The following GNA14 variants were observed in gnomAD, a reference collection of about 807,000 sequenced individuals.
The protein encoded by GNA14 is guanine nucleotide-binding protein subunit alpha-14.
Under a neutral mutation model 42.0 loss-of-function variants are expected in GNA14, and 50 were observed. The observed-to-expected ratio is 1.19, with a 90% CI of 0.95 to 1.51. The LOEUF is 1.51. GNA14 is among the 40% of genes most tolerant of loss of function. GNA14 has a pLI of 0.00. For synonymous variants in GNA14, 173 were observed against 163.1 expected (o/e 1.06, Z -0.46); for missense variants, 473 against 446.2 (o/e 1.06, Z -0.54).
intron 2 of GNA14, among the ~76,000 whole-genome samples, chr9:77,511,998 G>A (rs1469814527): frequency 2.0e-5 from 3 of 151,974 alleles, no homozygotes; most frequent in African/African-American, 7.3e-5. Context: ...GCTGCCTCCC[G>A]GCCCTACCTT....
intron 2 of GNA14, among the ~76,000 whole-genome samples, chr9:77,465,257 C>T (rs985887897): frequency 2.0e-5 from 3 of 152,202 alleles, no homozygotes; most frequent in Admixed American, 6.5e-5. Context: ...TTTTCTATGT[C>T]GGACACCACA....
At chr9:77,631,584 C>G (rs1450669232) in intron 1 of GNA14, among the ~76,000 whole-genome samples, 1 of 151,752 alleles carries the variant, frequency 6.6e-6, no homozygotes, top group Non-Finnish European at 1.5e-5. Context: ...ATCAGTGGCT[C>G]TAGAACATTG....
intron 1 of GNA14, among the ~76,000 whole-genome samples, chr9:77,590,263 C>G (rs1021365673): frequency 6.6e-6 from 1 of 152,126 alleles, no homozygotes; most frequent in Non-Finnish European, 1.5e-5. Context: ...TTTTCCTAAC[C>G]TTTGTGATCA....
intron 1 of GNA14, among the ~76,000 whole-genome samples, chr9:77,570,873 A>C (rs1365249192): frequency 6.6e-6 from 1 of 150,958 alleles, no homozygotes; most frequent in African/African-American, 2.5e-5. Flanking sequence ...GAGCTCTCAA[A>C]TTTTAATGTT....
At chr9:77,630,730 C>T (rs939015816) in intron 1 of GNA14, among the ~76,000 whole-genome samples, 6 of 152,018 alleles carry the variant, frequency 3.9e-5, no homozygotes, top group African/African-American at 9.7e-5. Flanking sequence ...GCTTATATTC[C>T]GCTCTAATAA....
chr9:77,539,793 A>C (rs1326118127), intron 1 of GNA14, among the ~76,000 whole-genome samples: 1 of 152,182 alleles, frequency 6.6e-6, no homozygotes, highest in African/African-American at 2.4e-5. Context: ...TCAGCTTATC[A>C]GTGTATAGTT....
At chr9:77,616,159 C>T (rs1823814012) in intron 1 of GNA14, among the ~76,000 whole-genome samples, 1 of 152,178 alleles carries the variant, frequency 6.6e-6, no homozygotes, top group Non-Finnish European at 1.5e-5. Flanking sequence ...GCAGTATTCA[C>T]AGAATGGTAA....
intron 1 of GNA14, among the ~76,000 whole-genome samples, chr9:77,568,502 A>AAAG (rs1554699394): frequency 3.2e-4 from 48 of 151,582 alleles, no homozygotes; most frequent in African/African-American, 9.7e-4. Flanking sequence ...AAAAAAAAAA[A>AAAG]AAAGAAAGAA....
At chr9:77,472,596 T>C (rs965986346) in intron 2 of GNA14, among the ~76,000 whole-genome samples, 5 of 152,118 alleles carry the variant, frequency 3.3e-5, no homozygotes, top group Non-Finnish European at 5.9e-5. Context: ...ACAAGATCAA[T>C]GTAAGAATCA....
chr9:77,580,159 G>A (rs1284612210), intron 1 of GNA14: 2 of 223,018 alleles, frequency 9.0e-6, no homozygotes, highest in Non-Finnish European at 1.8e-5. Context: ...TGCCCACTTG[G>A]GTCACAAACC....
Position 77,445,497 on chromosome 9 carries a change from G to C in GNA14, c.310-10975C>G, listed in dbSNP as rs1835799757. On this transcript the variant is annotated intron_variant, in intron 2 of 6. Transcript: ENST00000341700. ...GGAGGTCAAGGCTGAAGGATCATTT[G>C]AAGCCAGAAGTCCAAGACCACCCTG... Among the ~76,000 whole-genome samples the C allele has an allele frequency of 7.0e-5, 10 of 142,454 alleles. No homozygotes were observed. The South Asian group carries it at 2.3e-3, about 32-fold the overall frequency. The allele number at this position is 142,454 out of a possible 152,430, so 93.5% of individuals were successfully genotyped here.
intron 2 of GNA14, among the ~76,000 whole-genome samples, chr9:77,476,267 C>A (rs990597965): frequency 6.6e-6 from 1 of 152,104 alleles, no homozygotes; most frequent in African/African-American, 2.4e-5. Flanking sequence ...ACAAGATTGC[C>A]TCTCTTGGTA....
chr9:77,442,861 T>C (rs1363037899), intron 2 of GNA14, among the ~76,000 whole-genome samples: 3 of 152,190 alleles, frequency 2.0e-5, no homozygotes, highest in Non-Finnish European at 4.4e-5. Flanking sequence ...AATAAAAAGA[T>C]GGCAAAAGAT....
intron 2 of GNA14, among the ~76,000 whole-genome samples, chr9:77,480,314 G>A (rs1307343190): frequency 6.6e-6 from 1 of 152,098 alleles, no homozygotes; most frequent in African/African-American, 2.4e-5. Context: ...ATAATCATGT[G>A]GTTTTTGTCT....
intron 1 of GNA14, among the ~76,000 whole-genome samples, chr9:77,621,440 A>T (rs891853321): frequency 1.1e-4 from 16 of 152,222 alleles, no homozygotes; most frequent in African/African-American, 3.4e-4. Flanking sequence ...GTGTATGGGT[A>T]AGTGTGCATG....
intron 1 of GNA14, among the ~76,000 whole-genome samples, chr9:77,545,546 C>A (rs1020957762): frequency 4.6e-5 from 7 of 152,180 alleles, no homozygotes; most frequent in African/African-American, 1.4e-4. Flanking sequence ...AAAGTAACAG[C>A]AGGATATTGG....
intron 1 of GNA14, among the ~76,000 whole-genome samples, chr9:77,587,337 AGT>A (rs548600792): frequency 2.0e-3 from 302 of 152,348 alleles, no homozygotes; most frequent in Middle Eastern, 3.4e-3. Context: ...AACTCATATT[AGT>A]ATCTATACTC....
chr9:77,492,947 G>C (rs994335140), intron 2 of GNA14, among the ~76,000 whole-genome samples: 1 of 144,294 alleles, frequency 6.9e-6, no homozygotes, highest in Admixed American at 7.1e-5. Context: ...GTTGCAGTGA[G>C]CTGAGATCAT....
chr9:77,515,971 A>AAAAAAAAAAAAAAAAAAAAAAAAAC (rs1554693936), intron 2 of GNA14, among the ~76,000 whole-genome samples: 24 of 147,198 alleles, frequency 1.6e-4, no homozygotes, highest in Non-Finnish European at 2.7e-4. Flanking sequence ...AAAAAAAAAA[A>AAAAAAAAAAAAAAAAAAAAAAAAAC]AAAAAAAAAA....
Sources: gnomAD v4.1 joint callset for allele counts (sites outside exome capture counted in the v4.1 genomes callset) on GRCh38, gnomAD v4.1.1 for gene constraint, MANE v1.5 for transcripts, NCBI Gene and HGNC (gene_info 2026-07-23, HGNC 2026-07-21) for gene names.